Variants in CCDC40 observed in about 807,000 individuals in gnomAD.
CCDC40 encodes the protein coiled-coil domain 40 molecular ruler complex subunit, also known as coiled-coil domain-containing protein 40.
CCDC40 carries 104 observed loss-of-function variants against 124.5 expected under a neutral mutation model. The observed-to-expected ratio is 0.84, with a 90% CI of 0.71 to 0.98. The LOEUF (loss-of-function observed/expected upper bound fraction) is 0.98, where lower values mean the gene tolerates loss of function less well. Among genes scored for constraint, CCDC40 ranks in the 50% least tolerant of loss-of-function variants. CCDC40 has a pLI of 0.00. For missense variants in CCDC40, 1,463 were observed against 1,503.9 expected (o/e 0.97, Z 0.45); for synonymous variants, 580 against 602.9 (o/e 0.96, Z 0.56).
chr17:80,059,412 G>C (rs551767514), intron 9 of CCDC40, among the ~76,000 whole-genome samples: 140 of 151,788 alleles, frequency 9.2e-4, no homozygotes, highest in African/African-American at 2.9e-3. Context: ...GGGAACGAAG[G>C]GGGTGAAAGC....
At chr17:80,080,799 G>A (rs2038429278) in intron 10 of CCDC40, among the ~76,000 whole-genome samples, 1 of 152,076 alleles carries the variant, frequency 6.6e-6, no homozygotes, top group Non-Finnish European at 1.5e-5. Flanking sequence ...TCAAGATTTG[G>A]CTATTGGCTG....
chr17:80,095,696 G>A (rs1013837015), intron 18 of CCDC40, among the ~76,000 whole-genome samples: 3 of 152,216 alleles, frequency 2.0e-5, no homozygotes, highest in African/African-American at 7.2e-5. Context: ...CTGTTAGAGG[G>A]GCGTGCTCAG....
In CCDC40 at chr17:80,058,175, C is replaced by T. The variant is rs1049394867; in HGVS notation, c.1160-319C>T. ...AGACATCTATGCAATCAACCCGAAG[C>T]CTTACCACCTGGCACTACTTCAGTG... On this transcript the variant is annotated intron_variant, in intron 7 of 19. Transcript: ENST00000397545. The surrounding 1 kb of genome is among the most constrained non-coding windows in gnomAD (Gnocchi z 4.2). Among the ~76,000 whole-genome samples, 8 of 152,186 alleles carry T rather than the reference C, an allele frequency of 5.3e-5. No individual in the cohort carries two copies. The highest frequency in any genetic ancestry group is 1.9e-4 in the African/African-American group (8 of 41,448).
At chr17:80,041,632 A>G (rs529933512) in intron 3 of CCDC40, among the ~76,000 whole-genome samples, 21 of 152,268 alleles carry the variant, frequency 1.4e-4, no homozygotes, top group African/African-American at 4.1e-4. Flanking sequence ...TCAGAATCAA[A>G]TGTTGCCTTG....
chr17:80,071,430 C>T (rs1052482268), intron 10 of CCDC40, among the ~76,000 whole-genome samples: 2 of 152,204 alleles, frequency 1.3e-5, no homozygotes, highest in Non-Finnish European at 2.9e-5. Flanking sequence ...GGGAGAGAAC[C>T]CGGCCTTGAC....
rs570393393 is a variant in CCDC40 at position 80,038,368 on chromosome 17, T to C, written c.93+182T>C. Among the ~76,000 whole-genome samples, 4 of 151,476 alleles carry C rather than the reference T, an allele frequency of 2.6e-5. No individual in the cohort carries two copies. In the South Asian group the frequency reaches 6.2e-4, roughly 24 times the overall value. ...CAACATGGTAAAACCCCATCTCTAC[T>C]AAAAATATAAAAATTAGCCGGGCGT... On this transcript the variant is annotated intron_variant, in intron 2 of 19. Coordinates refer to ENST00000397545, the MANE Select transcript of CCDC40 (RefSeq NM_017950.4).
At chr17:80,078,378 C>T (rs1379306773) in intron 10 of CCDC40, among the ~76,000 whole-genome samples, 3 of 150,764 alleles carry the variant, frequency 2.0e-5, no homozygotes, top group Non-Finnish European at 3.0e-5. Context: ...CTAAGGGTCA[C>T]GAAGATTTTC....
chr17:80,067,534 A>G, intron 10 of CCDC40: 7 of 1,501,232 alleles, frequency 4.7e-6, no homozygotes, highest in Non-Finnish European at 6.3e-6. Flanking sequence ...CCAAGTCAAA[A>G]TATAAACACC....
intron 10 of CCDC40, among the ~76,000 whole-genome samples, chr17:80,080,522 C>T (rs2038423489): frequency 6.6e-6 from 1 of 152,216 alleles, no homozygotes; most frequent in African/African-American, 2.4e-5. Flanking sequence ...GAAGTGGGCC[C>T]ACTGGTGTTC....
At chr17:80,065,807 C>T (rs571817770) in intron 10 of CCDC40, among the ~76,000 whole-genome samples, 2 of 152,328 alleles carry the variant, frequency 1.3e-5, no homozygotes, top group East Asian at 1.9e-4. Context: ...TCCAACACTG[C>T]GGCGCTGGGA....
intron 13 of CCDC40, 146 bp downstream of exon 13, chr17:80,085,134 C>A: frequency 9.2e-7 from 1 of 1,091,350 alleles, no homozygotes; most frequent in Admixed American, 2.1e-5. Flanking sequence ...GACAAAATGG[C>A]ACGTGTGCCA....
chr17:80,064,150 G>A (rs193208790), intron 9 of CCDC40, among the ~76,000 whole-genome samples: 15 of 152,250 alleles, frequency 9.9e-5, no homozygotes, highest in East Asian at 9.6e-4. Context: ...AGGTTACGTC[G>A]TAATGAATAG....
chr17:80,088,202 A>C, intron 16 of CCDC40, 100 bp downstream of exon 16: 23 of 790,314 alleles, frequency 2.9e-5, no homozygotes, highest in Non-Finnish European at 4.8e-5. Context: ...GTGGCAGCTC[A>C]CACCCATATC....
At chr17:80,056,251 A>G (rs1454861109) in intron 7 of CCDC40, among the ~76,000 whole-genome samples, 1 of 151,388 alleles carries the variant, frequency 6.6e-6, no homozygotes, top group East Asian at 1.9e-4. Context: ...AAATGGCTGC[A>G]TATTATACCC....
At chr17:80,050,906 C>T (rs530264987) in intron 7 of CCDC40, among the ~76,000 whole-genome samples, 128 of 152,240 alleles carry the variant, frequency 8.4e-4, no homozygotes, top group African/African-American at 2.7e-3. Flanking sequence ...TGGAGGGTTT[C>T]AATAGATGCG....
intron 2 of CCDC40, among the ~76,000 whole-genome samples, chr17:80,038,831 GATAAATAAAATTAAATTAAAAATAA>G (rs1379914351): frequency 6.6e-6 from 1 of 151,956 alleles, no homozygotes; most frequent in Non-Finnish European, 1.5e-5. Context: ...TCAAAAAATA[GATAAATAAAATTAAATTAAAAATAA>G]ATAAATAAAG....
Position 80,081,686 on chromosome 17 carries a change from T to C in CCDC40, c.1703T>C (p.Leu568Pro). The C allele has an allele frequency of 6.2e-7, 1 of 1,614,108 alleles. No individual in the cohort carries two copies. The highest frequency in any genetic ancestry group is 1.1e-5 in the South Asian group (1 of 91,082). Residue 568 changes from leucine to proline, a missense_variant, in exon 11 of 20, where the codon CTC becomes CCC. Coordinates refer to ENST00000397545, the MANE Select transcript of CCDC40 (RefSeq NM_017950.4). ...ACGGAAGCCACACTGCTGCAGAAGC[T>C]CACCACCCAGTGCCTGACCAAGCAG... is the stretch of plus-strand genomic sequence containing the variant. ...TETEATLLQK[L>P]TTQCLTKQVA...
chr17:80,040,080 A>G lies in CCDC40; in HGVS notation c.362A>G (p.Gln121Arg). ...DTTYPYFSPP[Q>R]ELPGEEAYDS... ...ACTTACCCGTATTTCAGTCCTCCTC[A>G]GGAACTGCCTGGAGAGGAGGCATAC... The change falls in exon 3 of 20, where the codon CAG becomes CGG. Residue 121 changes from glutamine (Q) to arginine (R), a missense_variant. By Grantham distance (43) the Gln-to-Arg change is conservative (BLOSUM62 1). Transcript: ENST00000397545. 2 of 1,614,218 alleles carry G rather than the reference A, an allele frequency of 1.2e-6. No homozygotes were observed. The highest frequency in any genetic ancestry group is 1.7e-6 in the Non-Finnish European group (2 of 1,180,016).
chr17:80,086,692 G>T lies in CCDC40; in HGVS notation c.2449+476G>T, dbSNP rs567299729. On this transcript the variant is annotated intron_variant, in intron 14 of 19. Coordinates refer to ENST00000397545, the MANE Select transcript of CCDC40 (RefSeq NM_017950.4). The surrounding 1 kb of genome is among the most constrained non-coding windows in gnomAD (Gnocchi z 5.5). ...AGGGTGCCTGGAATGATGGAGGCGG[G>T]CATCCTTCCTGGACCACTCTCCACC... 2 of 234,652 alleles carry T rather than the reference G, an allele frequency of 8.5e-6. No individual in the cohort carries two copies. The highest frequency in any genetic ancestry group is 1.7e-5 in the Non-Finnish European group (2 of 117,254). 14.5% of individuals were successfully genotyped at this position (234,652 alleles called of 1,614,324 possible). A position where few individuals can be genotyped will look rare whatever the true frequency, so the allele number is the denominator to read the frequency against.
Sources: gnomAD v4.1 joint callset for allele counts (sites outside exome capture counted in the v4.1 genomes callset) on GRCh38, gnomAD v4.1.1 for gene constraint, Gnocchi (gnomAD v3.1) non-coding constraint, MANE v1.5 for transcripts, NCBI Gene and HGNC (gene_info 2026-07-23, HGNC 2026-07-21) for gene names.